ATP2A1: variants seen among roughly 807,000 people sequenced by gnomAD.
ATP2A1 encodes sarcoplasmic/endoplasmic reticulum calcium ATPase 1.
Under a neutral mutation model 109.5 loss-of-function variants are expected in ATP2A1, and 83 were observed. The observed-to-expected ratio is 0.76, with a 90% CI of 0.63 to 0.91. ATP2A1 has a LOEUF of 0.91. ATP2A1 is among the 40% of genes least tolerant of loss of function. The pLI, the probability that ATP2A1 is intolerant of heterozygous loss-of-function variation, is 0.00. For synonymous variants in ATP2A1, 505 were observed against 537.6 expected (o/e 0.94, Z 0.84); for missense variants, 1,101 against 1,341.0 (o/e 0.82, Z 2.80).
intron 9 of ATP2A1, among the ~76,000 whole-genome samples, chr16:28,893,355 A>T (rs1329421672): frequency 6.6e-6 from 1 of 151,858 alleles, no homozygotes; most frequent in Non-Finnish European, 1.5e-5. Context: ...GCAATGAGCT[A>T]TGATCACACC....
chr16:28,891,244 T>C (rs1963763451), intron 9 of ATP2A1, among the ~76,000 whole-genome samples: 1 of 150,976 alleles, frequency 6.6e-6, no homozygotes, highest in Admixed American at 6.6e-5. Context: ...TGCAGTGAGC[T>C]GAGATTGCGC....
At chr16:28,895,106 G>A (rs1963881647) in intron 12 of ATP2A1, among the ~76,000 whole-genome samples, 153 bp downstream of exon 12, 1 of 152,232 alleles carries the variant, frequency 6.6e-6, no homozygotes. Flanking sequence ...ACAGGCTGAT[G>A]TGGGTGGGAC....
Position 28,884,601 on chromosome 16 carries a change from C to A in ATP2A1, c.490C>A (p.Arg164=). ...GGGGGACAAAGTCCCTGCAGACATC[C>A]GAATCCTCGCCATCAAATCCACCAC... ...AVGDKVPADI[R]ILAIKSTTLR... The change falls in exon 6 of 23, where the codon CGA becomes AGA. Residue 164 remains arginine, a synonymous_variant. Transcript: ENST00000395503. The A allele has an allele frequency of 6.2e-7, 1 of 1,613,816 alleles. No individual in the cohort carries two copies. Among genetic ancestry groups the A allele is most frequent in the Non-Finnish European group, 8.5e-7 (1 of 1,179,982 alleles).
At chr16:28,881,154 G>A (rs1963462944) in intron 4 of ATP2A1, 135 bp downstream of exon 4, 2 of 918,942 alleles carry the variant, frequency 2.2e-6, no homozygotes. Context: ...GGTCTGGAAT[G>A]GGATGGAGTG....
chr16:28,902,437 T>C lies in ATP2A1; in HGVS notation c.2524+51T>C. The C allele has an allele frequency of 6.3e-7, 1 of 1,598,298 alleles. No homozygotes were observed. The highest frequency in any genetic ancestry group is 8.6e-7 in the Non-Finnish European group (1 of 1,168,530). On this transcript the variant is annotated intron_variant, in intron 17 of 22. Transcript: ENST00000395503. The surrounding 1 kb of genome is among the most constrained non-coding windows in gnomAD (Gnocchi z 4.8). ...TCCCCACCCCTTGGGACTAACCCCC[T>C]CTCTGGGACACCAGCTCCCCCATGC... is the stretch of plus-strand genomic sequence containing the variant.
At chr16:28,890,167 A>G (rs947722771) in intron 9 of ATP2A1, among the ~76,000 whole-genome samples, 1 of 151,478 alleles carries the variant, frequency 6.6e-6, no homozygotes, top group Non-Finnish European at 1.5e-5. Flanking sequence ...GAAATGAAAT[A>G]AAATAAAATA....
chr16:28,879,756 C>T, intron 3 of ATP2A1, 173 bp downstream of exon 3: 2 of 799,970 alleles, frequency 2.5e-6, no homozygotes, highest in East Asian at 2.7e-5. Flanking sequence ...CTCTCCTCCC[C>T]TGCACCCCAG....
Position 28,904,334 on chromosome 16 carries a change from C to A in ATP2A1, c.*192C>A. ...TTTATAAACATGTCCCCTTCCCTTTCCTTCCCCCTCGGCCACCCGCCTCCC... is the reference window on the plus strand; with the variant it reads ...TTTATAAACATGTCCCCTTCCCTTTACTTCCCCCTCGGCCACCCGCCTCCC... On this transcript the variant is annotated 3_prime_UTR_variant, in exon 23 of 23. Coordinates refer to ENST00000395503, the MANE Select transcript of ATP2A1 (RefSeq NM_004320.6). The A allele has an allele frequency of 6.4e-7, 1 of 1,563,638 alleles. No individual in the cohort carries two copies.
rs1183745928 is a variant in ATP2A1, at chr16:28,902,807, C to T, written c.2640C>T (p.Asn880=). 5.0e-6 allele frequency: 8 copies of T among 1,613,830 alleles called. No homozygotes were observed. The African/African-American group carries it at 9.4e-5, about 19-fold the overall frequency. The change falls in exon 19 of 23, where the codon AAC becomes AAT. Residue 880 remains asparagine, a synonymous_variant. Coordinates refer to ENST00000395503, the MANE Select transcript of ATP2A1 (RefSeq NM_004320.6). This position sits in a 1 kb window ranked among gnomAD's most constrained non-coding sequence, Gnocchi z 4.8. ...LTHFMQCTED[N]THFEGIDCEV... ...ACTTCATGCAGTGCACCGAGGACAA[C>T]ACCCACTTTGAGGGCATAGACTGTG...
rs770299228 is a variant in ATP2A1 at position 28,888,873 on chromosome 16, G to A, written c.1015G>A (p.Val339Ile). ...KNAIVRSLPSVETLGCTSVIC... is the reference protein window; with the variant it reads ...KNAIVRSLPSIETLGCTSVIC... ...TGCCATTGTAAGAAGCTTGCCCTCCGTAGAGACCCTGGGCTGCACCTCTGT... is the reference window on the plus strand; with the variant it reads ...TGCCATTGTAAGAAGCTTGCCCTCCATAGAGACCCTGGGCTGCACCTCTGT... Residue 339 changes from valine (V) to isoleucine (I), a missense_variant, in exon 9 of 23, where the codon GTA becomes ATA. By Grantham distance (29) the Val-to-Ile change is conservative (BLOSUM62 3). Coordinates refer to ENST00000395503, the MANE Select transcript of ATP2A1 (RefSeq NM_004320.6). 17 of 1,613,172 alleles carry A rather than the reference G, an allele frequency of 1.1e-5. No individual in the cohort carries two copies. The highest frequency in any genetic ancestry group is 2.2e-5 in the East Asian group (1 of 44,842).
chr16:28,896,714 ATTT>A (rs1165561318), intron 12 of ATP2A1, among the ~76,000 whole-genome samples: 5 of 107,230 alleles, frequency 4.7e-5, no homozygotes, highest in Admixed American at 9.7e-5. Context: ...CCTGGCCTTC[ATTT>A]TTTTTTTTTT....
At position 28,878,643 on chromosome 16, in the gene ATP2A1, C is replaced by T. The variant is rs772577842; in HGVS notation, c.-29C>T. On this transcript the variant is annotated 5_prime_UTR_variant, in exon 1 of 23. Coordinates refer to ENST00000395503, the MANE Select transcript of ATP2A1 (RefSeq NM_004320.6). ...GTGGGAACCCCCTGGAAGGAACACA[C>T]CGGCCCCGGCCCCCAGGAAGGGAGC... The T allele has an allele frequency of 1.9e-6, 3 of 1,562,916 alleles. No homozygotes were observed. The highest frequency in any genetic ancestry group is 4.7e-5 in the East Asian group (2 of 42,872).
In ATP2A1 at chr16:28,887,503, G is replaced by C. The variant is rs1161280167; in HGVS notation, c.709G>C (p.Asp237His). 6 of 1,614,058 alleles carry C rather than the reference G, an allele frequency of 3.7e-6. No individual in the cohort carries two copies. In the Admixed American group the frequency reaches 5.0e-5, roughly 13 times the overall value. Residue 237 changes from aspartate (D) to histidine (H), a missense_variant, in exon 8 of 23, where the codon GAC (aspartate) becomes CAC (histidine). Physicochemically the swap from Asp to His is moderately conservative, Grantham distance 81. Transcript: ENST00000395503. ...GGGCACCGAGATTGGGAAGATCCGAGACCAAATGGCTGCCACAGAACAGGA... is the reference window on the plus strand; with the variant it reads ...GGGCACCGAGATTGGGAAGATCCGACACCAAATGGCTGCCACAGAACAGGA... ...GVGTEIGKIR[D>H]QMAATEQDKT...
rs571776875 is a variant in ATP2A1, at chr16:28,897,984, C to G, written c.1420-16C>G. The stretch of plus-strand genomic sequence containing the variant: ...ATTTTAAGAGGACTGGTCTCCCCTC[C>G]CTGTCTCCTCTCCAGGTGATCCGCC... On this transcript the variant is annotated splice_polypyrimidine_tract_variant and intron_variant, in intron 12 of 22. Coordinates refer to ENST00000395503, the MANE Select transcript of ATP2A1 (RefSeq NM_004320.6). The G allele has an allele frequency of 2.5e-6, 4 of 1,614,120 alleles. No homozygotes were observed. The African/African-American group carries it at 4.0e-5, about 16-fold the overall frequency.
Position 28,884,658 on chromosome 16 carries a change from C to G in ATP2A1, c.544+3C>G. 2 of 1,611,834 alleles carry G rather than the reference C, an allele frequency of 1.2e-6. No individual in the cohort carries two copies. The highest frequency in any genetic ancestry group is 2.7e-5 in the African/African-American group (2 of 74,972). ...GGTTGACCAGTCCATCCTGACAGGT[C>G]TGCTGGCCTGGGTGGGAAGATGCAT... On this transcript the variant is annotated splice_donor_region_variant and intron_variant, in intron 6 of 22. Transcript: ENST00000395503.
chr16:28,895,369 A>G (rs756879357), intron 12 of ATP2A1, among the ~76,000 whole-genome samples: 35 of 152,200 alleles, frequency 2.3e-4, no homozygotes, highest in Non-Finnish European at 4.6e-4. Flanking sequence ...CCTTGCCCAG[A>G]TGAACCCGGC....
rs1963349126 is a variant in ATP2A1 at position 28,878,681 on chromosome 16, G to A, written c.10G>A (p.Ala4Thr). MEA[A>T]HAKTTEECLA... Reference sequence around the variant, plus strand: ...CCAGGAAGGGAGCACAATGGAGGCCGCTCATGCTAAAACCACGGAGGAATG... The same window carrying A: ...CCAGGAAGGGAGCACAATGGAGGCCACTCATGCTAAAACCACGGAGGAATG... Residue 4 changes from alanine (A) to threonine (T), a missense_variant, in exon 1 of 23, where the codon GCT becomes ACT. Ala to Thr is a moderately conservative substitution (Grantham distance 58). Transcript: ENST00000395503. The A allele has an allele frequency of 6.2e-7, 1 of 1,601,178 alleles. No individual in the cohort carries two copies.
At position 28,879,577 on chromosome 16, in the gene ATP2A1, T is replaced by C; in HGVS notation, c.213T>C (p.Ile71=). 1 of 1,614,078 alleles carries C rather than the reference T, an allele frequency of 6.2e-7. No individual in the cohort carries two copies. The highest frequency in any genetic ancestry group is 8.5e-7 in the Non-Finnish European group (1 of 1,179,980). ...LVRILLLAAC[I]SFVLAWFEEG... ...GGATTCTCCTCCTGGCCGCATGCAT[T>C]TCCTTCGTAAGTGTGGGAGGGTCTC... Residue 71 remains isoleucine, a synonymous_variant, in exon 3 of 23, where the codon ATT becomes ATC. Transcript: ENST00000395503.
At chr16:28,894,634 G>T (rs1475164296) in intron 11 of ATP2A1, 27 bp downstream of exon 11, 3 of 1,612,564 alleles carry the variant, frequency 1.9e-6, no homozygotes. Flanking sequence ...CTTCCAGTTG[G>T]CTCAGAGTCT....
Sources: gnomAD v4.1 joint callset for allele counts (sites outside exome capture counted in the v4.1 genomes callset) on GRCh38, gnomAD v4.1.1 for gene constraint, Gnocchi (gnomAD v3.1) non-coding constraint, MANE v1.5 for transcripts, NCBI Gene and HGNC (gene_info 2026-07-23, HGNC 2026-07-21) for gene names.